The following FIS1 variants were observed in gnomAD, a reference collection of about 807,000 sequenced individuals.
FIS1 encodes the protein fission, mitochondrial 1.
Under a neutral mutation model 21.6 loss-of-function variants are expected in FIS1, and 16 were observed. The observed-to-expected ratio is 0.74, with a 90% confidence interval of 0.50 to 1.12. FIS1 has a LOEUF of 1.12. FIS1 is among the 50% of genes most tolerant of loss of function. The pLI, the probability that FIS1 is intolerant of heterozygous loss-of-function variation, is 0.00. For missense variants in FIS1, 198 were observed against 190.9 expected (o/e 1.04, Z -0.22); for synonymous variants, 92 against 82.2 (o/e 1.12, Z -0.65).
In FIS1 at chr7:101,243,991, G is replaced by A; in HGVS notation, c.178+16C>T. 6.2e-7 allele frequency: 1 copy of A among 1,603,492 alleles called. No homozygotes were observed. The highest frequency in any genetic ancestry group is 1.1e-5 in the South Asian group (1 of 90,374). On this transcript the variant is annotated intron_variant, in intron 2 of 4. Transcript: ENST00000223136. ...AGCCCAGATGGCAGCGGGAAAGGGA[G>A]AGTACAGCGCCTCACCCTCGAGCAG...
At chr7:101,242,491 T>TC (rs1798763469) in intron 2 of FIS1, among the ~76,000 whole-genome samples, 1 of 149,358 alleles carries the variant, frequency 6.7e-6, no homozygotes, top group Admixed American at 6.6e-5. Flanking sequence ...TTTATAGTTT[T>TC]TTTTTTTTTT....
At chr7:101,240,019 A>G in intron 4 of FIS1, 116 bp from the exon 5 acceptor site, 1 of 1,409,946 alleles carries the variant, frequency 7.1e-7, no homozygotes, top group Non-Finnish European at 9.9e-7. Context: ...TCGCAGGGCA[A>G]GGGGCTCTAA....
chr7:101,239,640 C>T lies in FIS1; in HGVS notation c.*166G>A, dbSNP rs1246112535. The T allele has an allele frequency of 4.4e-6, 3 of 682,378 alleles. No individual in the cohort carries two copies. The highest frequency in any genetic ancestry group is 8.0e-6 in the Non-Finnish European group (3 of 376,200). The allele number at this position is 682,378 out of a possible 1,614,324, so 42.3% of individuals were successfully genotyped here. A position where few individuals can be genotyped will look rare whatever the true frequency, so the allele number is the denominator to read the frequency against. ...CCAAGCCACAGCCCCGTTTTATTTA[C>T]ACTCATCCCAAAGCACATGATGGGG... On this transcript the variant is annotated 3_prime_UTR_variant, in exon 5 of 5. Coordinates refer to ENST00000223136, the MANE Select transcript of FIS1 (RefSeq NM_016068.3).
chr7:101,241,240 C>T, intron 2 of FIS1: 1 of 261,804 alleles, frequency 3.8e-6, no homozygotes, highest in Non-Finnish European at 7.4e-6. Flanking sequence ...TATTTTTTTT[C>T]AGACGGAGTT....
rs1584273476 is a variant in FIS1, at chr7:101,244,953, GC to G, written c.45+6del. The G allele has an allele frequency of 1.2e-6, 2 of 1,614,042 alleles. No homozygotes were observed. The highest frequency in any genetic ancestry group is 1.7e-6 in the Non-Finnish European group (2 of 1,179,954). On this transcript the variant is annotated splice_donor_region_variant and intron_variant, in intron 1 of 4. Coordinates refer to ENST00000223136, the MANE Select transcript of FIS1 (RefSeq NM_016068.3). ...TTCCCTTTCCCTCTGTCCGGGCCAG[GC>G]CTCACCAGCAGGTCCTCCACAGACA...
rs1798701661 is a variant in FIS1, at chr7:101,239,491, G to A, written c.*315C>T. ...GAAGGGTGTGGGCTCTGGGCTGCGG[G>A]GTGGACAAAGAACCCCGTGCCAACC... On this transcript the variant is annotated 3_prime_UTR_variant, in exon 5 of 5. Transcript: ENST00000223136. 4 of 442,758 alleles carry A rather than the reference G, an allele frequency of 9.0e-6. No homozygotes were observed. The highest frequency in any genetic ancestry group is 6.8e-5 in the Admixed American group (2 of 29,280). 27.4% of individuals were successfully genotyped at this position (442,758 alleles called of 1,614,324 possible). A position where few individuals can be genotyped will look rare whatever the true frequency, so the allele number is the denominator to read the frequency against.
At chr7:101,240,671 C>G (rs1798733830) in intron 3 of FIS1, among the ~76,000 whole-genome samples, 159 bp downstream of exon 3, 1 of 152,364 alleles carries the variant, frequency 6.6e-6, no homozygotes, top group African/African-American at 2.4e-5. Flanking sequence ...TCCCCACCCC[C>G]TCGCCACTCT....
chr7:101,243,680 C>T (rs1437701078), intron 2 of FIS1, among the ~76,000 whole-genome samples: 1 of 152,210 alleles, frequency 6.6e-6, no homozygotes, highest in Non-Finnish European at 1.5e-5. Context: ...CTAAGCAACA[C>T]GGTGGTGGTG....
Position 101,239,544 on chromosome 7 carries a change from G to C in FIS1, c.*262C>G. 1.8e-6 allele frequency: 1 copy of C among 548,070 alleles called. No individual in the cohort carries two copies. Among genetic ancestry groups the C allele is most frequent in the South Asian group, 1.9e-5 (1 of 53,256 alleles). The allele number at this position is 548,070 out of a possible 1,614,324, so 34.0% of individuals were successfully genotyped here. On this transcript the variant is annotated 3_prime_UTR_variant, in exon 5 of 5. Coordinates refer to ENST00000223136, the MANE Select transcript of FIS1 (RefSeq NM_016068.3). ...GAGGGCAGGGGCAGGAGAGGACCAG[G>C]AGTGACGTCTCCGCCCCCTGTGCCC...
At chr7:101,244,856 C>A (rs1798795110) in intron 1 of FIS1, 104 bp downstream of exon 1, 2 of 1,451,042 alleles carry the variant, frequency 1.4e-6, no homozygotes, top group Non-Finnish European at 1.9e-6. Context: ...AGTTCGGCTT[C>A]CCTCGGCCAA....
At position 101,245,031 on chromosome 7, in the gene FIS1, TAC is replaced by T. The variant is rs529666716; in HGVS notation, c.-29_-28del. On this transcript the variant is annotated 5_prime_UTR_variant, in exon 1 of 5. Coordinates refer to ENST00000223136, the MANE Select transcript of FIS1 (RefSeq NM_016068.3). ...GCCACTGCCCCCGCGAGCCTCACAC[TAC>T]AGTCTACTGTGCCACAGTCTCCATG... 7.4e-6 allele frequency: 12 copies of T among 1,613,454 alleles called. No individual in the cohort carries two copies. In the East Asian group the frequency reaches 1.3e-4, roughly 18 times the overall value.
At chr7:101,244,270 T>C in intron 1 of FIS1, 131 bp from the exon 2 acceptor site, 1 of 1,241,134 alleles carries the variant, frequency 8.1e-7, no homozygotes, top group Admixed American at 2.7e-5. Context: ...GCTTCTGCTA[T>C]CTCCATGCCC....
At chr7:101,240,645 CT>C (rs1233784477) in intron 3 of FIS1, among the ~76,000 whole-genome samples, 184 bp downstream of exon 3, 1 of 152,254 alleles carries the variant, frequency 6.6e-6, no homozygotes, top group Admixed American at 6.5e-5. Flanking sequence ...CACCCAGTCT[CT>C]TGACGTCACC....
chr7:101,244,235 G>C (rs1232095723), intron 1 of FIS1, 96 bp from the exon 2 acceptor site: 1 of 1,428,724 alleles, frequency 7.0e-7, no homozygotes, highest in Non-Finnish European at 9.3e-7. Context: ...CCTTTCCCTC[G>C]CAGGTCTCGG....
chr7:101,244,728 C>A (rs188723552), intron 1 of FIS1: 1 of 581,386 alleles, frequency 1.7e-6, no homozygotes, highest in Non-Finnish European at 3.1e-6. Flanking sequence ...CACGGTCGGG[C>A]TCCAGGCCCG....
At chr7:101,240,600 C>A (rs534402973) in intron 3 of FIS1, among the ~76,000 whole-genome samples, 1 of 152,234 alleles carries the variant, frequency 6.6e-6, no homozygotes, top group East Asian at 1.9e-4. Flanking sequence ...ACAACCCCAA[C>A]TCTGCGGGAG....
At chr7:101,240,065 G>A (rs1798718644) in intron 4 of FIS1, 77 bp downstream of exon 4, 1 of 1,514,674 alleles carries the variant, frequency 6.6e-7, no homozygotes, top group African/African-American at 1.4e-5. Context: ...GCTGCCTGGA[G>A]GGGTTCATTT....
chr7:101,244,109 C>T lies in FIS1; in HGVS notation c.76G>A (p.Ala26Thr). 1 of 1,613,792 alleles carries T rather than the reference C, an allele frequency of 6.2e-7. No individual in the cohort carries two copies. The highest frequency in any genetic ancestry group is 8.5e-7 in the Non-Finnish European group (1 of 1,179,772). ...GTGCTCTTGGACACCGAGCCTGCTG[C>T]CTTCTCAGACTGAAATTTCTTTTCA... is the stretch of plus-strand genomic sequence containing the variant. ...KFEKKFQSEK[A>T]AGSVSKSTQF... Residue 26 changes from alanine (A) to threonine (T), a missense_variant, in exon 2 of 5, where the codon GCA becomes ACA. Ala to Thr is a moderately conservative substitution (Grantham distance 58, BLOSUM62 0). Coordinates refer to ENST00000223136, the MANE Select transcript of FIS1 (RefSeq NM_016068.3).
Position 101,240,189 on chromosome 7 carries a change from TTGTTCTGGGGCTCTGTC to T in FIS1, c.297_313del (p.Thr100ProfsTer10), listed in dbSNP as rs760364426. On this transcript the variant is annotated frameshift_variant, in exon 4 of 5. Coordinates refer to ENST00000223136, the MANE Select transcript of FIS1 (RefSeq NM_016068.3). LOFTEE classifies it high-confidence loss of function. ...GAGCCGCTCCAGTTCCTTGGCCTGG[TTGTTCTGGGGCTCTGTC>T]TGCAGCAACCCGCGGACGTACTTTA... 1 of 1,614,076 alleles carries T rather than the reference TTGTTCTGGGGCTCTGTC, an allele frequency of 6.2e-7. No homozygotes were observed. The highest frequency in any genetic ancestry group is 1.3e-5 in the African/African-American group (1 of 74,918).
Sources: gnomAD v4.1 joint callset for allele counts (sites outside exome capture counted in the v4.1 genomes callset) on GRCh38, gnomAD v4.1.1 for gene constraint, MANE v1.5 for transcripts, NCBI Gene and HGNC (gene_info 2026-07-23, HGNC 2026-07-21) for gene names.